VPS36: variants seen among roughly 807,000 people sequenced by gnomAD.
VPS36 encodes the protein vacuolar protein sorting 36 homolog, also known as vacuolar protein-sorting-associated protein 36.
In VPS36, 31 loss-of-function variants were observed where a neutral mutation model predicts 63.5. The ratio of observed to expected loss-of-function variants is 0.49; its 90% CI spans 0.37 to 0.66. The LOEUF is 0.66. VPS36 is among the 30% of genes least tolerant of loss of function. VPS36 has a pLI of 0.00. For missense variants in VPS36, 338 were observed against 463.7 expected, an observed-to-expected ratio of 0.73 and a Z score of 2.49; for synonymous variants, 138 against 157.2, an observed-to-expected ratio of 0.88 and a Z score of 0.91.
intron 9 of VPS36, among the ~76,000 whole-genome samples, chr13:52,425,444 G>A (rs922529970): frequency 6.6e-6 from 1 of 152,094 alleles, no homozygotes; most frequent in Admixed American, 6.6e-5. Flanking sequence ...AATTTTGAGT[G>A]GAGGTTGGTT....
At chr13:52,432,741 C>T (rs1187629570) in intron 6 of VPS36, among the ~76,000 whole-genome samples, 1 of 152,150 alleles carries the variant, frequency 6.6e-6, no homozygotes, top group Non-Finnish European at 1.5e-5. Context: ...GGGGAAAATA[C>T]AGGGTTGAGG....
chr13:52,418,560 C>T (rs1189855340), intron 10 of VPS36, among the ~76,000 whole-genome samples: 7 of 110,526 alleles, frequency 6.3e-5, no homozygotes, highest in South Asian at 2.9e-4. Flanking sequence ...GGCGATAGTG[C>T]GAGACTCCAT....
At position 52,443,228 on chromosome 13, in the gene VPS36, G is replaced by A. The variant is rs114866028; in HGVS notation, c.97-783C>T. On this transcript the variant is annotated intron_variant, in intron 1 of 13. Transcript: ENST00000378060. ...TATAAAAGCACTCGAAAAAAATCAT[G>A]AGATAATTTTTAAAATAATCTGAGG... Among the ~76,000 whole-genome samples the A allele has an allele frequency of 7.4e-3, 1,120 of 152,214 alleles. 6 individuals carry two copies. Among genetic ancestry groups the A allele is most frequent in the African/African-American group, 0.017 (696 of 41,522 alleles).
chr13:52,437,532 G>A lies in VPS36; in HGVS notation c.237-1128C>T, dbSNP rs192543805. On this transcript the variant is annotated intron_variant, in intron 3 of 13. Coordinates refer to ENST00000378060, the MANE Select transcript of VPS36 (RefSeq NM_016075.4). ...CAATGAAAAACTAATGAGTATAATCGAAAAAAGTTTAAAAGCTCCACAGTA... is the reference window on the plus strand; with the variant it reads ...CAATGAAAAACTAATGAGTATAATCAAAAAAAGTTTAAAAGCTCCACAGTA... Among the ~76,000 whole-genome samples, 422 of 152,040 alleles carry A rather than the reference G, an allele frequency of 2.8e-3. 2 individuals are homozygous for A. The highest frequency in any genetic ancestry group is 3.7e-3 in the Non-Finnish European group (250 of 67,960).
At chr13:52,441,443 C>T (rs1039024840) in intron 2 of VPS36, among the ~76,000 whole-genome samples, 3 of 152,008 alleles carry the variant, frequency 2.0e-5, no homozygotes, top group Non-Finnish European at 4.4e-5. Flanking sequence ...TAATTCTCCT[C>T]CTTCCCAAAA....
At chr13:52,439,045 G>T in intron 3 of VPS36, 53 bp downstream of exon 3, 1 of 1,540,844 alleles carries the variant, frequency 6.5e-7, no homozygotes, top group Non-Finnish European at 8.9e-7. Context: ...TTGGCCAATA[G>T]CATAACAGGA....
In VPS36 at chr13:52,432,841, T is replaced by A. The variant is rs190013555; in HGVS notation, c.528+821A>T. ...AATGCCCTTGGTTCCCCAACAGTAA[T>A]CTATATTTTCAATTAGTGAGCCCAA... On this transcript the variant is annotated intron_variant, in intron 6 of 13. Transcript: ENST00000378060. Among the ~76,000 whole-genome samples, 362 of 152,336 alleles carry A rather than the reference T, an allele frequency of 2.4e-3. 2 individuals are homozygous for A. The highest frequency in any genetic ancestry group is 3.9e-3 in the South Asian group (19 of 4,830).
intron 4 of VPS36, chr13:52,435,973 T>C (rs1031771231): frequency 4.6e-6 from 1 of 218,666 alleles, no homozygotes; most frequent in East Asian, 9.4e-5. Context: ...ATTTACACTC[T>C]GTTCCTTTAA....
rs776123724 is a variant in VPS36, at chr13:52,426,004, G to C, written c.702C>G (p.Thr234=). The change falls in exon 9 of 14, where the codon ACC becomes ACG. Residue 234 remains threonine, a synonymous_variant. Transcript: ENST00000378060. Reference sequence around the variant, plus strand: ...TGTGGTACTGTGTGCCTGAGCCGTAGGTTTCTCTGGTAACTGGGTTAGCTA... The same window carrying C: ...TGTGGTACTGTGTGCCTGAGCCGTACGTTTCTCTGGTAACTGGGTTAGCTA... ...MGIANPVTRE[T]YGSGTQYHMQ... The C allele has an allele frequency of 1.2e-6, 2 of 1,614,042 alleles. No individual in the cohort carries two copies. Among genetic ancestry groups the C allele is most frequent in the African/African-American group, 1.3e-5 (1 of 74,942 alleles).
intron 1 of VPS36, among the ~76,000 whole-genome samples, chr13:52,446,945 G>T (rs9536074): frequency 0.038 from 5,706 of 150,610 alleles, 134 homozygotes; most frequent in South Asian, 0.07. Context: ...GTGCGATCTG[G>T]GCTCACAGCA....
chr13:52,418,287 T>A (rs200834645), intron 10 of VPS36, among the ~76,000 whole-genome samples: 1 of 151,436 alleles, frequency 6.6e-6, no homozygotes, highest in African/African-American at 2.4e-5. Context: ...ATTAAAAAAA[T>A]AAAAAGAGGC....
chr13:52,438,947 T>G, intron 3 of VPS36, 151 bp downstream of exon 3: 1 of 579,448 alleles, frequency 1.7e-6, no homozygotes, highest in South Asian at 3.8e-5. Flanking sequence ...TTATGACCCA[T>G]GTATAATAAA....
intron 1 of VPS36, among the ~76,000 whole-genome samples, chr13:52,446,077 C>T (rs754110678): frequency 1.3e-5 from 2 of 149,410 alleles, no homozygotes; most frequent in Admixed American, 6.7e-5. Context: ...GGTGAAACCC[C>T]GTCTCTACTA....
chr13:52,419,772 T>A (rs1594112385), intron 10 of VPS36, among the ~76,000 whole-genome samples: 1 of 152,158 alleles, frequency 6.6e-6, no homozygotes. Flanking sequence ...CATTGTTTAG[T>A]GAAGTAAGCT....
At chr13:52,444,750 CT>C (rs1958320990) in intron 1 of VPS36, among the ~76,000 whole-genome samples, 1 of 151,652 alleles carries the variant, frequency 6.6e-6, no homozygotes, top group Non-Finnish European at 1.5e-5. Context: ...CTAAAAGTAA[CT>C]GCTTATGGGT....
chr13:52,424,249 C>T (rs1221868864), intron 9 of VPS36, among the ~76,000 whole-genome samples: 1 of 152,050 alleles, frequency 6.6e-6, no homozygotes, highest in Non-Finnish European at 1.5e-5. Context: ...CTTATTACAG[C>T]TAATAAATGA....
chr13:52,428,752 G>A (rs1233660176), intron 6 of VPS36, among the ~76,000 whole-genome samples: 1 of 151,996 alleles, frequency 6.6e-6, no homozygotes, highest in Non-Finnish European at 1.5e-5. Flanking sequence ...TTTTATCTGT[G>A]TAAAGAAAAC....
intron 9 of VPS36, among the ~76,000 whole-genome samples, chr13:52,423,974 C>G (rs1182713134): frequency 6.6e-6 from 1 of 152,198 alleles, no homozygotes; most frequent in Non-Finnish European, 1.5e-5. Flanking sequence ...TCTCCTGCCT[C>G]AGCCTCCTGA....
chr13:52,430,703 G>GT (rs1418368666), intron 6 of VPS36, among the ~76,000 whole-genome samples: 1 of 151,734 alleles, frequency 6.6e-6, no homozygotes, highest in Admixed American at 6.6e-5. Flanking sequence ...ACTATATACT[G>GT]AAAAAGCACA....
Sources: gnomAD v4.1 joint callset for allele counts (sites outside exome capture counted in the v4.1 genomes callset) on GRCh38, gnomAD v4.1.1 for gene constraint, MANE v1.5 for transcripts, NCBI Gene and HGNC (gene_info 2026-07-23, HGNC 2026-07-21) for gene names.